Variants in MTUS1 observed in about 807,000 individuals in gnomAD.
MTUS1 encodes the protein microtubule associated scaffold protein 1, also known as microtubule-associated tumor suppressor 1.
MTUS1 carries 109 observed loss-of-function variants against 120.8 expected under a neutral mutation model. That is an observed-to-expected ratio of 0.90 (90% confidence interval 0.77 to 1.06). The LOEUF (loss-of-function observed/expected upper bound fraction) is 1.06, where lower values mean the gene tolerates loss of function less well. Ranked by LOEUF, MTUS1 falls within the 50% of genes least tolerant of loss-of-function variation. The pLI is 0.00. For synonymous variants in MTUS1, 737 were observed against 550.5 expected (o/e 1.34, Z -4.74); for missense variants, 2,210 against 1,486.3 (o/e 1.49, Z -8.01).
intron 1 of MTUS1, among the ~76,000 whole-genome samples, chr8:17,781,270 T>A (rs990396772): frequency 3.3e-5 from 5 of 152,216 alleles, no homozygotes; most frequent in Non-Finnish European, 7.3e-5. Flanking sequence ...GAATTTCCAA[T>A]CAAAGTTTCT....
At position 17,755,381 on chromosome 8, in the gene MTUS1, T is replaced by C. The variant is rs754533376; in HGVS notation, c.427A>G (p.Asn143Asp). ...EPSLPFVWKPNDNLNCAGYCD... is the reference protein window; with the variant it reads ...EPSLPFVWKPDDNLNCAGYCD... ...TAGCCTGCACAGTTCAAATTGTCAT[T>C]AGGCTTCCACACAAAAGGCAAAGAT... The change falls in exon 2 of 15, where the codon AAT becomes GAT. Residue 143 changes from asparagine (N) to aspartate (D), a missense_variant. Physicochemically the swap from Asn to Asp is conservative, Grantham distance 23. Transcript: ENST00000693296. The C allele has an allele frequency of 6.2e-7, 1 of 1,614,174 alleles. No homozygotes were observed. The highest frequency in any genetic ancestry group is 8.5e-7 in the Non-Finnish European group (1 of 1,180,014).
chr8:17,726,638 C>G (rs541018859), intron 3 of MTUS1, among the ~76,000 whole-genome samples: 4 of 152,274 alleles, frequency 2.6e-5, no homozygotes, highest in African/African-American at 9.6e-5. Context: ...CTATTAGAGA[C>G]TTTTTTCTTT....
At chr8:17,726,523 A>T (rs1471738386) in intron 3 of MTUS1, among the ~76,000 whole-genome samples, 2 of 152,216 alleles carry the variant, frequency 1.3e-5, no homozygotes, top group African/African-American at 2.4e-5. Flanking sequence ...TCATTTTTTT[A>T]AATGCCAACA....
intron 4 of MTUS1, chr8:17,722,511 T>C: frequency 2.0e-6 from 2 of 985,370 alleles, no homozygotes; most frequent in Non-Finnish European, 2.4e-6. Context: ...ACAATCCTGT[T>C]TAATTGCAAG....
intron 6 of MTUS1, among the ~76,000 whole-genome samples, chr8:17,700,825 T>C (rs1818933913): frequency 6.6e-6 from 1 of 152,198 alleles, no homozygotes; most frequent in Non-Finnish European, 1.5e-5. Context: ...GTAAAGTCTA[T>C]ACTAAGGCTT....
chr8:17,722,437 T>C, intron 4 of MTUS1: 1 of 985,270 alleles, frequency 1.0e-6, no homozygotes, highest in Non-Finnish European at 1.2e-6. Flanking sequence ...AAATTCAGAG[T>C]TCCCTCTTAC....
chr8:17,768,591 C>G (rs1348350092), intron 1 of MTUS1, among the ~76,000 whole-genome samples: 1 of 152,048 alleles, frequency 6.6e-6, no homozygotes, highest in Non-Finnish European at 1.5e-5. Flanking sequence ...CCCTACCCAC[C>G]CTCAAAGCCA....
intron 1 of MTUS1, among the ~76,000 whole-genome samples, chr8:17,786,541 G>A (rs976789209): frequency 1.7e-4 from 22 of 132,924 alleles, no homozygotes; most frequent in Non-Finnish European, 3.2e-4. Context: ...ATCTGCAAGC[G>A]ACTCTTTGAA....
intron 8 of MTUS1, chr8:17,663,998 T>C (rs1411334711): frequency 6.6e-6 from 1 of 152,252 alleles, no homozygotes; most frequent in Non-Finnish European, 1.5e-5. Flanking sequence ...CTGACCACAG[T>C]AACTTTGCAG....
chr8:17,656,864 G>A (rs1808378214), intron 8 of MTUS1, among the ~76,000 whole-genome samples: 1 of 151,468 alleles, frequency 6.6e-6, no homozygotes, highest in East Asian at 2.0e-4. Flanking sequence ...GAGGTCAGGA[G>A]ATCGAGACCA....
intron 3 of MTUS1, among the ~76,000 whole-genome samples, chr8:17,729,428 A>G (rs2131160521): frequency 6.6e-6 from 1 of 152,276 alleles, no homozygotes; most frequent in African/African-American, 2.4e-5. Context: ...TTACCAAATA[A>G]GTATTATACA....
At chr8:17,647,260 C>A (rs774168616) in intron 13 of MTUS1, 181 bp from the exon 14 acceptor site, 7 of 535,148 alleles carry the variant, frequency 1.3e-5, no homozygotes, top group East Asian at 9.5e-5. Flanking sequence ...CAAAACAGAG[C>A]GGCTGGGTAT....
chr8:17,662,929 C>G (rs183671687), intron 8 of MTUS1, among the ~76,000 whole-genome samples: 8 of 151,532 alleles, frequency 5.3e-5, no homozygotes, highest in Non-Finnish European at 7.4e-5. Flanking sequence ...AACTCATGTA[C>G]AAAAACATCT....
intron 9 of MTUS1, 181 bp from the exon 10 acceptor site, chr8:17,654,847 G>A (rs1159753903): frequency 5.1e-6 from 3 of 585,974 alleles, no homozygotes; most frequent in South Asian, 2.2e-5. Flanking sequence ...TCAGCACTCT[G>A]GGAGGCAGAG....
intron 1 of MTUS1, among the ~76,000 whole-genome samples, chr8:17,760,589 T>C (rs750089616): frequency 4.6e-5 from 7 of 152,174 alleles, no homozygotes; most frequent in Admixed American, 3.9e-4. Context: ...TTTTACTGCC[T>C]ATTTTATTTC....
At chr8:17,739,303 G>C (rs2047146004) in intron 3 of MTUS1, among the ~76,000 whole-genome samples, 1 of 151,966 alleles carries the variant, frequency 6.6e-6, no homozygotes, top group Non-Finnish European at 1.5e-5. Context: ...AGACCAGCCT[G>C]ACCAACATGG....
chr8:17,745,330 C>T (rs2047661246), intron 2 of MTUS1, among the ~76,000 whole-genome samples: 1 of 152,188 alleles, frequency 6.6e-6, no homozygotes, highest in South Asian at 2.1e-4. Context: ...TACATCCTCC[C>T]ATATACTGTA....
intron 6 of MTUS1, among the ~76,000 whole-genome samples, chr8:17,698,832 A>G (rs1226254237): frequency 1.3e-5 from 2 of 152,312 alleles, no homozygotes; most frequent in Non-Finnish European, 2.9e-5. Flanking sequence ...AGATACACCT[A>G]GTTCATACAC....
intron 8 of MTUS1, among the ~76,000 whole-genome samples, chr8:17,668,436 T>C (rs1811354778): frequency 1.3e-5 from 2 of 152,202 alleles, no homozygotes; most frequent in Admixed American, 1.3e-4. Context: ...TTATTCAACA[T>C]GACTCTGGAA....
Sources: allele counts gnomAD v4.1 joint callset (sites outside exome capture counted in the v4.1 genomes callset), GRCh38; gene constraint gnomAD v4.1.1; transcripts MANE v1.5; gene names NCBI Gene and HGNC (gene_info 2026-07-23, HGNC 2026-07-21).